FAM117B: variants seen among roughly 807,000 people sequenced by gnomAD.
FAM117B encodes the protein protein FAM117B.
Under a neutral mutation model 52.8 loss-of-function variants are expected in FAM117B, and 22 were observed. The observed-to-expected ratio is 0.42, with a 90% confidence interval of 0.30 to 0.59. The LOEUF is 0.59. FAM117B is among the 20% of genes least tolerant of loss of function. The pLI is 0.22. For missense variants in FAM117B, 678 were observed against 802.6 expected, an observed-to-expected ratio of 0.84 and a Z score of 1.88; for synonymous variants, 309 against 324.1, an observed-to-expected ratio of 0.95 and a Z score of 0.50.
rs527725925 is a variant in FAM117B at position 202,757,340 on chromosome 2, A to C, written c.1232A>C (p.Gln411Pro). 6.2e-7 allele frequency: 1 copy of C among 1,614,136 alleles called. No homozygotes were observed. The highest frequency in any genetic ancestry group is 1.3e-5 in the African/African-American group (1 of 75,018). Residue 411 changes from glutamine to proline, a missense_variant, in exon 6 of 8, where the codon CAG becomes CCG. This residue lies in a region of FAM117B where 583 missense variants were observed against 644.8 expected (regional missense o/e 0.90). Transcript: ENST00000392238. The stretch of plus-strand genomic sequence containing the variant: ...GGAAGCAACAACAGCAGCCGTTCCC[A>C]GTCCGTGTCCCCAACATCGTTCCTC... ...DRGSNNSSRS[Q>P]SVSPTSFLTI...
intron 1 of FAM117B, among the ~76,000 whole-genome samples, chr2:202,642,357 A>ATATATATATG (rs1310328658): frequency 6.8e-6 from 1 of 148,044 alleles, no homozygotes; most frequent in African/African-American, 2.5e-5. Flanking sequence ...ATATATATAT[A>ATATATATATG]TATATATAAA....
intron 1 of FAM117B, among the ~76,000 whole-genome samples, chr2:202,637,873 C>CTTTTTTTTTTTTT (rs556979899): frequency 7.6e-6 from 1 of 130,748 alleles, no homozygotes. Context: ...AGTTAGGTAA[C>CTTTTTTTTTTTTT]TTTTTTTTTT....
intron 2 of FAM117B, among the ~76,000 whole-genome samples, chr2:202,697,211 C>G (rs1690724331): frequency 6.6e-6 from 1 of 152,162 alleles, no homozygotes; most frequent in Non-Finnish European, 1.5e-5. Context: ...ACAATTATAA[C>G]TAGTTAAATA....
At chr2:202,707,785 T>C (rs1690894905) in intron 2 of FAM117B, among the ~76,000 whole-genome samples, 1 of 151,846 alleles carries the variant, frequency 6.6e-6, no homozygotes, top group African/African-American at 2.4e-5. Flanking sequence ...TTTTTTTTTT[T>C]TGAGACAGAG....
At position 202,635,495 on chromosome 2, in the gene FAM117B, C is replaced by A; in HGVS notation, c.308C>A (p.Ala103Glu). 1 of 1,045,190 alleles carries A rather than the reference C, an allele frequency of 9.6e-7. No individual in the cohort carries two copies. Among genetic ancestry groups the A allele is most frequent in the Non-Finnish European group, 1.1e-6 (1 of 871,512 alleles). The allele number at this position is 1,045,190 out of a possible 1,614,324, so 64.7% of individuals were successfully genotyped here. A position where few individuals can be genotyped will look rare whatever the true frequency, so the allele number is the denominator to read the frequency against. ...SPTRGGGNAAARTSPTVATQT... is the reference protein window; with the variant it reads ...SPTRGGGNAAERTSPTVATQT... ...ACGCGCGGCGGCGGGAACGCGGCCGCGCGCACCAGCCCCACGGTGGCCACG... is the reference window on the plus strand; with the variant it reads ...ACGCGCGGCGGCGGGAACGCGGCCGAGCGCACCAGCCCCACGGTGGCCACG... The change falls in exon 1 of 8, where the codon GCG becomes GAG. Residue 103 changes from alanine (A) to glutamate (E), a missense_variant. Ala to Glu is a moderately radical substitution (Grantham distance 107). This residue lies in a region of FAM117B where 583 missense variants were observed against 644.8 expected (regional missense o/e 0.90). Coordinates refer to ENST00000392238, the MANE Select transcript of FAM117B (RefSeq NM_173511.4).
rs186680162 is a variant in FAM117B, at chr2:202,658,720, C to T, written c.601+22932C>T. ...TCTTCTGTGCTTTCTGATGAGACAT[C>T]TATAATCACTGGAATCATTGTTTCT... On this transcript the variant is annotated intron_variant, in intron 1 of 7. Coordinates refer to ENST00000392238, the MANE Select transcript of FAM117B (RefSeq NM_173511.4). Among the ~76,000 whole-genome samples, 67 of 152,280 alleles carry T rather than the reference C, an allele frequency of 4.4e-4. No homozygotes were observed. The East Asian group carries it at 0.013, about 29-fold the overall frequency.
intron 2 of FAM117B, among the ~76,000 whole-genome samples, chr2:202,723,234 A>C (rs1691180245): frequency 6.6e-6 from 1 of 152,218 alleles, no homozygotes; most frequent in Non-Finnish European, 1.5e-5. Flanking sequence ...CAGTGTCTTC[A>C]TTTTTGAAAA....
At chr2:202,762,838 GT>G (rs1691915116) in intron 7 of FAM117B, among the ~76,000 whole-genome samples, 5 of 151,934 alleles carry the variant, frequency 3.3e-5, no homozygotes, top group Admixed American at 2.6e-4. Context: ...TGGTGTTAAT[GT>G]TCTGTTTCTC....
chr2:202,651,852 G>A (rs1689963171), intron 1 of FAM117B, among the ~76,000 whole-genome samples: 1 of 151,756 alleles, frequency 6.6e-6, no homozygotes, highest in African/African-American at 2.4e-5. Context: ...TCAGGAGTTC[G>A]AGACCAGCCT....
At chr2:202,659,362 T>C (rs1050777360) in intron 1 of FAM117B, among the ~76,000 whole-genome samples, 3 of 152,012 alleles carry the variant, frequency 2.0e-5, no homozygotes, top group Non-Finnish European at 2.9e-5. Flanking sequence ...CAGGCTGGAA[T>C]GCAAAAGTGT....
At chr2:202,640,619 C>G (rs949302922) in intron 1 of FAM117B, among the ~76,000 whole-genome samples, 2 of 144,242 alleles carry the variant, frequency 1.4e-5, no homozygotes, top group African/African-American at 5.1e-5. Flanking sequence ...CAAGGGAATT[C>G]TTTTTTTTTT....
Position 202,635,156 on chromosome 2 carries a change from G to A in FAM117B, c.-32G>A. 2 of 1,258,320 alleles carry A rather than the reference G, an allele frequency of 1.6e-6. No homozygotes were observed. The highest frequency in any genetic ancestry group is 2.0e-6 in the Non-Finnish European group (2 of 1,000,938). The allele number at this position is 1,258,320 out of a possible 1,614,324, so 77.9% of individuals were successfully genotyped here. On this transcript the variant is annotated 5_prime_UTR_variant, in exon 1 of 8. Transcript: ENST00000392238. Reference sequence around the variant, plus strand: ...CAGCCCAACAACAACAAAACCCCCCGTCTCGCCCAGTCACCGGGGAGGGGG... The same window carrying A: ...CAGCCCAACAACAACAAAACCCCCCATCTCGCCCAGTCACCGGGGAGGGGG...
chr2:202,741,549 T>C (rs887548273), intron 4 of FAM117B, among the ~76,000 whole-genome samples: 1 of 145,352 alleles, frequency 6.9e-6, no homozygotes, highest in Non-Finnish European at 1.5e-5. Context: ...AAAATTTTTT[T>C]TTTTTGAGAC....
intron 4 of FAM117B, among the ~76,000 whole-genome samples, chr2:202,741,508 A>G (rs1357591710): frequency 6.6e-6 from 1 of 150,818 alleles, no homozygotes; most frequent in East Asian, 1.9e-4. Context: ...CTAGTTGGAA[A>G]ACCTCCGAGA....
At chr2:202,678,571 T>A (rs1316272292) in intron 1 of FAM117B, among the ~76,000 whole-genome samples, 1 of 152,164 alleles carries the variant, frequency 6.6e-6, no homozygotes, top group East Asian at 1.9e-4. Flanking sequence ...GTGTTTTTTT[T>A]ATTTTGAGAC....
intron 2 of FAM117B, among the ~76,000 whole-genome samples, chr2:202,722,489 C>T (rs1335894612): frequency 6.6e-6 from 1 of 152,072 alleles, no homozygotes; most frequent in African/African-American, 2.4e-5. Context: ...TACTGTGCAG[C>T]CATAAAAATA....
chr2:202,670,543 C>T (rs1690275410), intron 1 of FAM117B, among the ~76,000 whole-genome samples: 1 of 152,058 alleles, frequency 6.6e-6, no homozygotes, highest in Non-Finnish European at 1.5e-5. Context: ...CTGCCTCAGC[C>T]TCCCAAAGTA....
chr2:202,659,574 G>T (rs1291362004), intron 1 of FAM117B, among the ~76,000 whole-genome samples: 1 of 138,938 alleles, frequency 7.2e-6, no homozygotes, highest in African/African-American at 2.7e-5. Flanking sequence ...GTCTCCCATA[G>T]TGCTGAGATT....
chr2:202,639,019 C>T (rs1156897984), intron 1 of FAM117B, among the ~76,000 whole-genome samples: 2 of 152,276 alleles, frequency 1.3e-5, no homozygotes, highest in African/African-American at 4.8e-5. Context: ...CTGACTAAAT[C>T]TGGAAGGAAA....
Sources: allele counts gnomAD v4.1 joint callset (sites outside exome capture counted in the v4.1 genomes callset), GRCh38; gene constraint gnomAD v4.1.1; regional missense constraint gnomAD v4.1.1; transcripts MANE v1.5; gene names NCBI Gene and HGNC (gene_info 2026-07-23, HGNC 2026-07-21).